Variants in CCDC146 observed in about 807,000 individuals in gnomAD.
CCDC146 encodes coiled-coil domain containing 146, also known as coiled-coil domain-containing protein 146.
CCDC146 carries 92 observed loss-of-function variants against 119.3 expected under a neutral mutation model. That is an observed-to-expected ratio of 0.77 (90% CI 0.65 to 0.92). The LOEUF (loss-of-function observed/expected upper bound fraction) is 0.92, where lower values mean the gene tolerates loss of function less well. Among genes scored for constraint, CCDC146 ranks in the 40% least tolerant of loss-of-function variants. CCDC146 has a pLI of 0.00. For synonymous variants in CCDC146, 372 were observed against 371.8 expected (o/e 1.00, Z -0.01); for missense variants, 1,000 against 1,103.0 (o/e 0.91, Z 1.32).
chr7:77,199,373 A>G, intron 2 of CCDC146: 1 of 1,614,072 alleles, frequency 6.2e-7, no homozygotes, highest in Non-Finnish European at 8.5e-7. Context: ...AGCTCAGAGG[A>G]CAGCTTGTTA....
At chr7:77,281,853 G>GA (rs1193134713) in intron 14 of CCDC146, among the ~76,000 whole-genome samples, 3 of 151,802 alleles carry the variant, frequency 2.0e-5, no homozygotes, top group Non-Finnish European at 4.4e-5. Context: ...CTCCAGGGGA[G>GA]AAAAAAAATG....
At chr7:77,202,329 A>G (rs1409256501) in intron 2 of CCDC146, among the ~76,000 whole-genome samples, 1 of 152,202 alleles carries the variant, frequency 6.6e-6, no homozygotes. Context: ...TACTTTTTAA[A>G]GTTTCTAAAC....
chr7:77,123,038 C>T (rs1000859567), intron 1 of CCDC146, among the ~76,000 whole-genome samples: 2 of 143,284 alleles, frequency 1.4e-5, no homozygotes, highest in African/African-American at 5.2e-5. Flanking sequence ...TGCCTTGCCT[C>T]AAAGGGTTTT....
intron 3 of CCDC146, among the ~76,000 whole-genome samples, chr7:77,239,850 C>T (rs1038181454): frequency 1.3e-5 from 2 of 152,162 alleles, no homozygotes; most frequent in Admixed American, 1.3e-4. Context: ...CATCCTCTGA[C>T]AGATGTTTAG....
chr7:77,233,748 C>T (rs1355094607), intron 2 of CCDC146, among the ~76,000 whole-genome samples: 1 of 152,218 alleles, frequency 6.6e-6, no homozygotes, highest in Non-Finnish European at 1.5e-5. Flanking sequence ...GGTGGTAATG[C>T]TCACTTGCCC....
intron 1 of CCDC146, among the ~76,000 whole-genome samples, chr7:77,163,546 C>T (rs71217131): frequency 3.3e-5 from 5 of 152,018 alleles, no homozygotes; most frequent in African/African-American, 7.3e-5. Flanking sequence ...ATATTCAATA[C>T]GTTTATAAAT....
chr7:77,201,679 G>T (rs1230643430), intron 2 of CCDC146, among the ~76,000 whole-genome samples: 1 of 151,418 alleles, frequency 6.6e-6, no homozygotes, highest in Non-Finnish European at 1.5e-5. Context: ...CACACCTTAT[G>T]ACTTTTTTTC....
chr7:77,200,289 AG>A (rs778131428), intron 2 of CCDC146, among the ~76,000 whole-genome samples: 21 of 152,190 alleles, frequency 1.4e-4, no homozygotes, highest in South Asian at 8.3e-4. Context: ...TTGGACTTTC[AG>A]GTGAAATCTT....
At chr7:77,143,453 G>A (rs1324788945) in intron 1 of CCDC146, among the ~76,000 whole-genome samples, 1 of 151,784 alleles carries the variant, frequency 6.6e-6, no homozygotes, top group Non-Finnish European at 1.5e-5. Flanking sequence ...GGCTTTTGTT[G>A]CCATTGCTTT....
At chr7:77,237,893 C>T (rs1432571874) in intron 3 of CCDC146, among the ~76,000 whole-genome samples, 2 of 152,146 alleles carry the variant, frequency 1.3e-5, no homozygotes, top group African/African-American at 4.8e-5. Context: ...CCTCTTGTCT[C>T]AGGGCCTTGC....
intron 2 of CCDC146, among the ~76,000 whole-genome samples, chr7:77,234,443 G>C (rs933970696): frequency 6.6e-6 from 1 of 152,074 alleles, no homozygotes; most frequent in Non-Finnish European, 1.5e-5. Flanking sequence ...CAGTTAAAAA[G>C]TTACAAATAG....
chr7:77,247,724 T>TA (rs1414328806), intron 4 of CCDC146, among the ~76,000 whole-genome samples: 13 of 152,164 alleles, frequency 8.5e-5, no homozygotes, highest in Admixed American at 2.0e-4. Context: ...AAATGCAAAT[T>TA]AAAACCACAA....
intron 1 of CCDC146, among the ~76,000 whole-genome samples, chr7:77,136,358 A>G (rs900533983): frequency 2.0e-5 from 3 of 152,194 alleles, no homozygotes; most frequent in Non-Finnish European, 4.4e-5. Flanking sequence ...CTTTGAAAAG[A>G]TTAATAAAAT....
intron 1 of CCDC146, among the ~76,000 whole-genome samples, chr7:77,154,443 T>C (rs1273004777): frequency 2.6e-5 from 4 of 151,578 alleles, no homozygotes; most frequent in South Asian, 2.1e-4. Flanking sequence ...TCTCCTAATG[T>C]TATCCCTCCC....
chr7:77,147,197 C>A (rs1345419867), intron 1 of CCDC146, among the ~76,000 whole-genome samples: 2 of 152,204 alleles, frequency 1.3e-5, no homozygotes, highest in South Asian at 2.1e-4. Context: ...TCCAGTTGAT[C>A]AAATCAGCTA....
At chr7:77,293,428 T>C (rs981225412) in intron 18 of CCDC146, among the ~76,000 whole-genome samples, 6 of 152,224 alleles carry the variant, frequency 3.9e-5, no homozygotes, top group Admixed American at 1.3e-4. Flanking sequence ...GCCCACCCCA[T>C]AGCCTTACAT....
chr7:77,154,593 A>G (rs1274515667), intron 1 of CCDC146, among the ~76,000 whole-genome samples: 1 of 151,616 alleles, frequency 6.6e-6, no homozygotes, highest in African/African-American at 2.4e-5. Flanking sequence ...GCTGAGAGTG[A>G]TGGTTTCCAG....
chr7:77,253,862 C>T (rs542687548), intron 4 of CCDC146, among the ~76,000 whole-genome samples: 2 of 152,252 alleles, frequency 1.3e-5, no homozygotes, highest in East Asian at 3.9e-4. Context: ...AGCATACCAG[C>T]TGGAGGGATC....
intron 1 of CCDC146, among the ~76,000 whole-genome samples, chr7:77,135,448 GA>G (rs576385583): frequency 3.5e-5 from 5 of 143,544 alleles, no homozygotes; most frequent in Non-Finnish European, 4.6e-5. Context: ...GTGAGACACT[GA>G]AAAAAAAAAG....
Sources: gnomAD v4.1 joint callset for allele counts (sites outside exome capture counted in the v4.1 genomes callset) on GRCh38, gnomAD v4.1.1 for gene constraint, MANE v1.5 for transcripts, NCBI Gene and HGNC (gene_info 2026-07-23, HGNC 2026-07-21) for gene names.